MSH4: variants seen among roughly 807,000 people sequenced by gnomAD.
MSH4 encodes the protein mutS protein homolog 4.
Under a neutral mutation model 113.7 loss-of-function variants are expected in MSH4, and 106 were observed. The observed-to-expected ratio is 0.93, with a 90% CI of 0.80 to 1.10. MSH4 has a LOEUF of 1.10. Among genes scored for constraint, MSH4 ranks in the 50% least tolerant of loss-of-function variants. The probability of loss-of-function intolerance (pLI) is 0.00; values close to 1 mark genes in which losing one functional copy is unlikely to be tolerated. For synonymous variants in MSH4, 368 were observed against 380.2 expected (o/e 0.97, Z 0.37); for missense variants, 1,061 against 1,093.7 (o/e 0.97, Z 0.42).
intron 2 of MSH4, 26 bp from the exon 3 acceptor site, chr1:75,806,955 T>A (rs1650081021): frequency 1.3e-6 from 2 of 1,533,358 alleles, no homozygotes; most frequent in Non-Finnish European, 1.7e-6. Flanking sequence ...AATGTTTATA[T>A]CTTTTCTTTA....
chr1:75,911,101 G>A (rs1198285389), intron 19 of MSH4, among the ~76,000 whole-genome samples: 1 of 151,208 alleles, frequency 6.6e-6, no homozygotes, highest in African/African-American at 2.4e-5. Context: ...TGAGATACAG[G>A]GTACCATACT....
chr1:75,908,708 G>T (rs943166243), intron 19 of MSH4, among the ~76,000 whole-genome samples: 1 of 152,064 alleles, frequency 6.6e-6, no homozygotes, highest in African/African-American at 2.4e-5. Context: ...TCAGTGTCTC[G>T]CTTGTTGGAC....
At chr1:75,855,796 G>A (rs1651303308) in intron 8 of MSH4, among the ~76,000 whole-genome samples, 1 of 152,130 alleles carries the variant, frequency 6.6e-6, no homozygotes, top group African/African-American at 2.4e-5. Flanking sequence ...ATCACATTTT[G>A]AGGTACTGAG....
At chr1:75,883,478 T>A in intron 14 of MSH4, 143 bp from the exon 15 acceptor site, 1 of 630,212 alleles carries the variant, frequency 1.6e-6, no homozygotes, top group East Asian at 2.9e-5. Context: ...GGGTGGGGAT[T>A]TGGGATAATA....
intron 7 of MSH4, among the ~76,000 whole-genome samples, chr1:75,833,323 A>G (rs1180657558): frequency 2.6e-5 from 4 of 152,202 alleles, no homozygotes; most frequent in Admixed American, 6.5e-5. Flanking sequence ...ATGCTCATGG[A>G]TAGGAAGAAT....
chr1:75,855,711 A>C (rs1215739718), intron 8 of MSH4, among the ~76,000 whole-genome samples: 1 of 152,146 alleles, frequency 6.6e-6, no homozygotes, highest in Non-Finnish European at 1.5e-5. Flanking sequence ...TTATTGGACT[A>C]GGGGCCTACC....
At position 75,822,562 on chromosome 1, in the gene MSH4, AT is replaced by A. The variant is rs776677874; in HGVS notation, c.1149del (p.Phe383LeufsTer20). The A allele has an allele frequency of 7.2e-6, 11 of 1,524,282 alleles. No individual in the cohort carries two copies. The highest frequency in any genetic ancestry group is 4.0e-5 in the South Asian group (3 of 75,662). The allele number at this position is 1,524,282 out of a possible 1,614,324, so 94.4% of individuals were successfully genotyped here. On this transcript the variant is annotated frameshift_variant, in exon 7 of 20. Transcript: ENST00000263187. LOFTEE classifies it high-confidence loss of function. Reference sequence around the variant, plus strand: ...AAGAACTACTTCAAGATGAGGAACTATTTTTTGGACTTCAATCAGGTAAATC... The same window carrying A: ...AAGAACTACTTCAAGATGAGGAACTATTTTTGGACTTCAATCAGGTAAATC... ...VQELLQDEEL[F>X]FGLQSVISRF...
intron 17 of MSH4, among the ~76,000 whole-genome samples, chr1:75,896,207 A>G (rs531921471): frequency 6.6e-6 from 1 of 152,284 alleles, no homozygotes; most frequent in South Asian, 2.1e-4. Context: ...TTCTAAGTCT[A>G]CAGCTTGCAG....
intron 7 of MSH4, among the ~76,000 whole-genome samples, chr1:75,824,156 A>G (rs1307345271): frequency 2.0e-5 from 3 of 151,792 alleles, no homozygotes; most frequent in Admixed American, 2.0e-4. Context: ...TTACTTTTTA[A>G]TGATCGACAT....
chr1:75,858,697 T>G (rs753818982), intron 8 of MSH4, among the ~76,000 whole-genome samples: 7 of 152,248 alleles, frequency 4.6e-5, no homozygotes, highest in Non-Finnish European at 8.8e-5. Context: ...CTCACATTGA[T>G]GTTCATCAGG....
chr1:75,882,402 C>T (rs1651952631), intron 14 of MSH4, among the ~76,000 whole-genome samples: 1 of 151,764 alleles, frequency 6.6e-6, no homozygotes, highest in Admixed American at 6.6e-5. Flanking sequence ...TTTTGGTTTT[C>T]ACATATGCTT....
chr1:75,797,883 G>T (rs1481523377), intron 1 of MSH4, among the ~76,000 whole-genome samples: 1 of 152,176 alleles, frequency 6.6e-6, no homozygotes. Flanking sequence ...GGTCGAGGCT[G>T]CCGTGAGCTG....
chr1:75,803,358 C>T (rs1038304982), intron 1 of MSH4, among the ~76,000 whole-genome samples: 4 of 152,184 alleles, frequency 2.6e-5, no homozygotes, highest in Admixed American at 2.0e-4. Flanking sequence ...GTGACTCAGG[C>T]CTCTAATCCC....
intron 9 of MSH4, among the ~76,000 whole-genome samples, chr1:75,868,705 G>A (rs1236783585): frequency 1.3e-5 from 2 of 152,130 alleles, no homozygotes; most frequent in Non-Finnish European, 2.9e-5. Context: ...TTTTGGTAGT[G>A]AATAAGTCTC....
At chr1:75,873,792 AACC>A (rs1423661410) in intron 9 of MSH4, among the ~76,000 whole-genome samples, 1 of 152,040 alleles carries the variant, frequency 6.6e-6, no homozygotes, top group Admixed American at 6.6e-5. Flanking sequence ...GATGTATATA[AACC>A]ACATTTTCTT....
At chr1:75,803,935 C>A in intron 2 of MSH4, 22 bp downstream of exon 2, 2 of 1,420,388 alleles carry the variant, frequency 1.4e-6, no homozygotes, top group South Asian at 1.7e-5. Context: ...GGAAGATTAA[C>A]CTAGATGATG....
chr1:75,868,294 G>A (rs1204635107), intron 9 of MSH4, among the ~76,000 whole-genome samples: 1 of 151,912 alleles, frequency 6.6e-6, no homozygotes, highest in African/African-American at 2.4e-5. Flanking sequence ...ATTTTCTTTT[G>A]TAATTAATAA....
intron 8 of MSH4, among the ~76,000 whole-genome samples, chr1:75,855,412 T>TA (rs1258032403): frequency 6.6e-6 from 1 of 152,182 alleles, no homozygotes; most frequent in Non-Finnish European, 1.5e-5. Context: ...TTTATTGTCT[T>TA]ACAGATTTAG....
intron 17 of MSH4, among the ~76,000 whole-genome samples, chr1:75,895,995 G>A (rs904414422): frequency 2.6e-5 from 4 of 152,146 alleles, no homozygotes; most frequent in South Asian, 2.1e-4. Context: ...GGGTTTATCT[G>A]TAAGGGCATT....
Sources: gnomAD v4.1 joint callset for allele counts (sites outside exome capture counted in the v4.1 genomes callset) on GRCh38, gnomAD v4.1.1 for gene constraint, MANE v1.5 for transcripts, NCBI Gene and HGNC (gene_info 2026-07-23, HGNC 2026-07-21) for gene names.